Variants in HTR2C observed in about 807,000 individuals in gnomAD.
HTR2C encodes 5-hydroxytryptamine (serotonin) receptor 2C, G protein-coupled.
A neutral mutation model predicts 21.0 loss-of-function variants in HTR2C; 5 were observed. The ratio of observed to expected loss-of-function variants is 0.24; its 90% CI spans 0.12 to 0.50. The LOEUF is 0.50. Among genes scored for constraint, HTR2C ranks in the 20% least tolerant of loss-of-function variants. HTR2C has a pLI of 0.98. For synonymous variants in HTR2C, 150 were observed against 145.3 expected (o/e 1.03, Z -0.23); for missense variants, 271 against 371.2 (o/e 0.73, Z 2.22).
At chrX:114,829,559 T>A (rs4537474) in intron 4 of HTR2C, among the ~76,000 whole-genome samples, 2 of 109,813 alleles carry the variant, frequency 1.8e-5, no homozygotes, top group Admixed American at 1.9e-4. Flanking sequence ...AAATCCAAGG[T>A]CACTAAGATT....
chrX:114,867,200 A>G (rs139785354), intron 5 of HTR2C, among the ~76,000 whole-genome samples: 3,943 of 111,503 alleles, frequency 0.035, 176 homozygotes, highest in African/African-American at 0.12. Context: ...AGCCATTTTA[A>G]CTGGAGAGAA....
chrX:114,834,393 G>A (rs1397944565), intron 4 of HTR2C, among the ~76,000 whole-genome samples: 1 of 105,582 alleles, frequency 9.5e-6, no homozygotes, highest in Non-Finnish European at 2.0e-5. Context: ...TCCTGTATTG[G>A]GTGCATATAT....
At chrX:114,720,605 T>C (rs1465254880) in intron 2 of HTR2C, among the ~76,000 whole-genome samples, 1 of 94,200 alleles carries the variant, frequency 1.1e-5, no homozygotes, top group African/African-American at 3.9e-5. Flanking sequence ...CATGCTGGTG[T>C]GCTGCACCCA....
chrX:114,598,461 T>G (rs1467259472), intron 1 of HTR2C, among the ~76,000 whole-genome samples: 1 of 111,421 alleles, frequency 9.0e-6, no homozygotes, highest in Non-Finnish European at 1.9e-5. Flanking sequence ...TTGAGTGCCT[T>G]TTGTGTGTTT....
At chrX:114,820,740 T>G (rs1200206078) in intron 4 of HTR2C, among the ~76,000 whole-genome samples, 1 of 110,810 alleles carries the variant, frequency 9.0e-6, no homozygotes, top group Non-Finnish European at 1.9e-5. Context: ...AAGAAGGGCC[T>G]TTTGCCTCCT....
intron 4 of HTR2C, among the ~76,000 whole-genome samples, chrX:114,814,854 C>T (rs1297965857): frequency 1.0e-5 from 1 of 96,517 alleles, no homozygotes; most frequent in Non-Finnish European, 2.0e-5. Context: ...TATTATAATA[C>T]TCTATAGTAT....
chrX:114,723,937 T>A (rs1342463721), intron 2 of HTR2C, among the ~76,000 whole-genome samples: 12 of 96,935 alleles, frequency 1.2e-4, no homozygotes, highest in Non-Finnish European at 2.3e-4. Context: ...TACTTCCAAG[T>A]ATGTGGTCAA....
At chrX:114,790,976 C>T (rs782337501) in intron 4 of HTR2C, among the ~76,000 whole-genome samples, 169 of 109,467 alleles carry the variant, frequency 1.5e-3, no homozygotes, top group Non-Finnish European at 2.9e-3. Context: ...CCAGCCTGGG[C>T]GGCCAGGGGA....
chrX:114,795,604 C>G lies in HTR2C; in HGVS notation c.350-52399C>G, dbSNP rs781893126. On this transcript the variant is annotated intron_variant, in intron 4 of 5. Transcript: ENST00000276198. ...ATATGGCTAGCCAGTTTTCCCAGCACCATTTATTAAATAAGGAATCCTTTC... is the reference window on the plus strand; with the variant it reads ...ATATGGCTAGCCAGTTTTCCCAGCAGCATTTATTAAATAAGGAATCCTTTC... Among the ~76,000 whole-genome samples, 16 of 111,536 alleles carry G rather than the reference C, an allele frequency of 1.4e-4. No homozygotes were observed. In the East Asian group the frequency reaches 4.5e-3, roughly 31 times the overall value.
At chrX:114,706,619 G>C (rs1231862712) in intron 2 of HTR2C, among the ~76,000 whole-genome samples, 1 of 100,098 alleles carries the variant, frequency 1.0e-5, no homozygotes, top group African/African-American at 3.6e-5. Context: ...TAAATGACGA[G>C]TTAATGGGTG....
chrX:114,622,396 G>T (rs1280160603), intron 2 of HTR2C, among the ~76,000 whole-genome samples: 1 of 111,355 alleles, frequency 9.0e-6, no homozygotes, highest in Non-Finnish European at 1.9e-5. Context: ...AAAAACCAGA[G>T]CTGGAAATTA....
At chrX:114,775,413 T>A in intron 4 of HTR2C, 1 of 525,232 alleles carries the variant, frequency 1.9e-6, no homozygotes, top group Non-Finnish European at 3.5e-6. Context: ...CAGGTTGTCA[T>A]CCTTGGTCAT....
intron 4 of HTR2C, among the ~76,000 whole-genome samples, chrX:114,761,928 T>TAC (rs1360327265): frequency 3.8e-5 from 4 of 106,605 alleles, no homozygotes; most frequent in Non-Finnish European, 5.7e-5. Flanking sequence ...CGTGTATATA[T>TAC]ACATATATGT....
chrX:114,633,916 A>G (rs1480795868), intron 2 of HTR2C, among the ~76,000 whole-genome samples: 10 of 95,110 alleles, frequency 1.1e-4, no homozygotes, highest in African/African-American at 3.4e-4. Context: ...AAAGTACGTT[A>G]AATATATATG....
At chrX:114,782,638 A>G (rs1260516856) in intron 4 of HTR2C, among the ~76,000 whole-genome samples, 2 of 109,299 alleles carry the variant, frequency 1.8e-5, no homozygotes, top group East Asian at 5.8e-4. Context: ...GGATTGCTTG[A>G]CCCCACAAGA....
chrX:114,600,419 C>T lies in HTR2C; in HGVS notation c.-146-13396C>T, dbSNP rs184630293. ...AAGTCAGGAGACATCAATCATATAT[C>T]GCCTTCTACAAATCAGGAATGTGTG... On this transcript the variant is annotated intron_variant, in intron 1 of 5. Transcript: ENST00000276198. 4.5e-5 allele frequency among the ~76,000 whole-genome samples: 5 copies of T among 110,094 alleles called. No individual in the cohort carries two copies. In the South Asian group the frequency reaches 1.2e-3, roughly 27 times the overall value.
intron 4 of HTR2C, among the ~76,000 whole-genome samples, chrX:114,752,569 A>C (rs2069770836): frequency 9.0e-6 from 1 of 111,423 alleles, no homozygotes; most frequent in South Asian, 3.8e-4. Context: ...AGTAGCTGAC[A>C]TAGCTCTGTA....
At chrX:114,764,865 ATCTT>A (rs1234459517) in intron 4 of HTR2C, among the ~76,000 whole-genome samples, 2,738 of 44,733 alleles carry the variant, frequency 0.061, 61 homozygotes, top group Non-Finnish European at 0.081. Flanking sequence ...CATGGAATCA[ATCTT>A]TCTTTCTTTC....
chrX:114,726,961 C>A lies in HTR2C; in HGVS notation c.25C>A (p.His9Asn). The change falls in exon 3 of 6, where the codon CAT becomes AAT. Residue 9 changes from histidine (H) to asparagine (N), a missense_variant. Around this residue, in one of 5 missense-constraint regions of HTR2C, gnomAD observed 57 missense variants for 64.0 expected, o/e 0.89. Transcript: ENST00000276198. Reference protein sequence around the residue: MVNLRNAVHSFLVHLIGLL... With the variant: MVNLRNAVNSFLVHLIGLL... ...CATGGTGAACCTGAGGAATGCGGTGCATTCATTCCTGTAAGGATGTTACTA... is the reference window on the plus strand; with the variant it reads ...CATGGTGAACCTGAGGAATGCGGTGAATTCATTCCTGTAAGGATGTTACTA... The A allele has an allele frequency of 1.8e-6, 2 of 1,108,877 alleles. No individual in the cohort carries two copies. Among genetic ancestry groups the A allele is most frequent in the African/African-American group, 1.9e-5 (1 of 52,869 alleles). The allele number at this position is 1,108,877 out of a possible 1,213,427, so 91.4% of individuals were successfully genotyped here. A position where few individuals can be genotyped will look rare whatever the true frequency, so the allele number is the denominator to read the frequency against.
Sources: gnomAD v4.1 joint callset for allele counts (sites outside exome capture counted in the v4.1 genomes callset) on GRCh38, gnomAD v4.1.1 for gene constraint, gnomAD v4.1.1 regional missense constraint, MANE v1.5 for transcripts, NCBI Gene and HGNC (gene_info 2026-07-23, HGNC 2026-07-21) for gene names.